MYH10: variants seen among roughly 807,000 people sequenced by gnomAD.
MYH10 encodes the protein myosin-10.
A neutral mutation model predicts 257.8 loss-of-function variants in MYH10; 55 were observed. The ratio of observed to expected loss-of-function variants is 0.21; its 90% confidence interval spans 0.17 to 0.27. The LOEUF (loss-of-function observed/expected upper bound fraction) is 0.27, where lower values mean the gene tolerates loss of function less well. Among genes scored for constraint, MYH10 ranks in the 10% least tolerant of loss-of-function variants. The pLI, the probability that MYH10 is intolerant of heterozygous loss-of-function variation, is 1.00. For missense variants in MYH10, 1,631 were observed against 2,500.6 expected, an observed-to-expected ratio of 0.65 and a Z score of 7.42; for synonymous variants, 854 against 921.7, an observed-to-expected ratio of 0.93 and a Z score of 1.33.
intron 2 of MYH10, among the ~76,000 whole-genome samples, chr17:8,605,586 A>C (rs2084765924): frequency 6.6e-6 from 1 of 152,134 alleles, no homozygotes; most frequent in Non-Finnish European, 1.5e-5. Context: ...TCTACTAAAA[A>C]TACAAAAATT....
intron 37 of MYH10, 96 bp downstream of exon 37, chr17:8,484,042 T>TA: frequency 8.4e-7 from 1 of 1,184,654 alleles, no homozygotes; most frequent in South Asian, 1.6e-5. Context: ...ATACTGACAT[T>TA]ACAGTGGGCT....
chr17:8,553,734 C>T (rs1341024842), intron 8 of MYH10, among the ~76,000 whole-genome samples: 1 of 152,208 alleles, frequency 6.6e-6, no homozygotes, highest in East Asian at 1.9e-4. Flanking sequence ...GCACTCTCCA[C>T]TTCCCCAGCC....
At chr17:8,572,797 G>GT (rs1203152580) in intron 6 of MYH10, among the ~76,000 whole-genome samples, 4 of 152,170 alleles carry the variant, frequency 2.6e-5, no homozygotes, top group African/African-American at 9.7e-5. Context: ...GTGAGACTGA[G>GT]TAACGATCTC....
chr17:8,623,171 T>C lies in MYH10; in HGVS notation c.76A>G (p.Thr26Ala), dbSNP rs1398401617. Reference protein sequence around the residue: ...VDRAVIYNPATQADWTAKKLV... With the variant: ...VDRAVIYNPAAQADWTAKKLV... Reference sequence around the variant, plus strand: ...TTTTTAGCTGTCCAATCAGCTTGAGTGGCAGGGTTGTAGATGACAGCCCTG... The same window carrying C: ...TTTTTAGCTGTCCAATCAGCTTGAGCGGCAGGGTTGTAGATGACAGCCCTG... The change falls in exon 2 of 43, where the codon ACT becomes GCT. Residue 26 changes from threonine (T) to alanine (A), a missense_variant. By Grantham distance (58) the Thr-to-Ala change is moderately conservative. Around this residue, in one of 11 missense-constraint regions of MYH10, gnomAD observed 360 missense variants for 581.9 expected, o/e 0.62. Transcript: ENST00000360416. 1 of 1,613,674 alleles carries C rather than the reference T, an allele frequency of 6.2e-7. No homozygotes were observed. Among genetic ancestry groups the C allele is most frequent in the Admixed American group, 1.7e-5 (1 of 59,936 alleles).
chr17:8,537,494 G>T (rs1231187705), intron 14 of MYH10, among the ~76,000 whole-genome samples: 1 of 152,168 alleles, frequency 6.6e-6, no homozygotes, highest in Non-Finnish European at 1.5e-5. Context: ...CCACCTGAAA[G>T]AATTGTCAGG....
Position 8,612,876 on chromosome 17 carries a change from T to C in MYH10, c.346-7894A>G, listed in dbSNP as rs183174145. Among the ~76,000 whole-genome samples the C allele has an allele frequency of 2.1e-4, 32 of 151,814 alleles. No individual in the cohort carries two copies. The East Asian group carries it at 6.2e-3, about 29-fold the overall frequency. ...TCTCAAAAAAAAAAAAAAATTATCATAGGTATGTATGTATAGGAAAAAACA... is the reference window on the plus strand; with the variant it reads ...TCTCAAAAAAAAAAAAAAATTATCACAGGTATGTATGTATAGGAAAAAACA... On this transcript the variant is annotated intron_variant, in intron 2 of 42. Transcript: ENST00000360416.
Position 8,622,990 on chromosome 17 carries a change from T to G in MYH10, c.257A>C (p.Lys86Thr). 1.9e-6 allele frequency: 3 copies of G among 1,614,214 alleles called. No individual in the cohort carries two copies. The highest frequency in any genetic ancestry group is 2.5e-6 in the Non-Finnish European group (3 of 1,180,038). ...IQKMNPPKFS[K>T]VEDMAELTCL... ...TGTCAATTCTGCCATATCCTCCACCTTGGAAAACTTAGGTGGGTTCATCTT... is the reference window on the plus strand; with the variant it reads ...TGTCAATTCTGCCATATCCTCCACCGTGGAAAACTTAGGTGGGTTCATCTT... Residue 86 changes from lysine (K) to threonine (T), a missense_variant, in exon 2 of 43, where the codon AAG becomes ACG. Coordinates refer to ENST00000360416, the MANE Select transcript of MYH10 (RefSeq NM_001256012.3).
At chr17:8,523,907 G>A (rs1305943675) in intron 17 of MYH10, among the ~76,000 whole-genome samples, 3 of 152,184 alleles carry the variant, frequency 2.0e-5, no homozygotes, top group Admixed American at 2.0e-4. Flanking sequence ...AAGGAGGGAA[G>A]TGGGTTTTGT....
chr17:8,624,941 A>C (rs2085615469), intron 1 of MYH10, among the ~76,000 whole-genome samples: 1 of 152,096 alleles, frequency 6.6e-6, no homozygotes, highest in Non-Finnish European at 1.5e-5. Context: ...TAGCCCTTTA[A>C]CTACTACTAA....
At chr17:8,598,513 G>A (rs1292212102) in intron 3 of MYH10, among the ~76,000 whole-genome samples, 1 of 151,748 alleles carries the variant, frequency 6.6e-6, no homozygotes, top group Non-Finnish European at 1.5e-5. Context: ...TTTTTATTAT[G>A]AAATGACACA....
chr17:8,603,773 G>C (rs1045706080), intron 3 of MYH10, among the ~76,000 whole-genome samples: 1 of 152,078 alleles, frequency 6.6e-6, no homozygotes, highest in Non-Finnish European at 1.5e-5. Flanking sequence ...CTAAGAAATT[G>C]TATTGAACTC....
chr17:8,477,345 G>A lies in MYH10; in HGVS notation c.5707-297C>T, dbSNP rs954992006. On this transcript the variant is annotated intron_variant, in intron 41 of 42. Transcript: ENST00000360416. The surrounding 1 kb of genome is among the most constrained non-coding windows in gnomAD (Gnocchi z 4.2). ...GACAGCGTTTACTGTCTTCACACAC[G>A]TGACCTAGGGGACTGAAAGGGAATT... 6.6e-6 allele frequency among the ~76,000 whole-genome samples: 1 copy of A among 152,160 alleles called. No individual in the cohort carries two copies. Among genetic ancestry groups the A allele is most frequent in the African/African-American group, 2.4e-5 (1 of 41,426 alleles).
At chr17:8,529,189 G>A (rs957328783) in intron 17 of MYH10, among the ~76,000 whole-genome samples, 1 of 151,972 alleles carries the variant, frequency 6.6e-6, no homozygotes, top group Non-Finnish European at 1.5e-5. Flanking sequence ...GGAAGGCGAA[G>A]CTGCTGGGGC....
At chr17:8,483,451 G>A (rs180844975) in intron 37 of MYH10, among the ~76,000 whole-genome samples, 2 of 152,248 alleles carry the variant, frequency 1.3e-5, no homozygotes, top group East Asian at 1.9e-4. Context: ...CTAGAGAGCC[G>A]TCCTCCTTTC....
intron 6 of MYH10, among the ~76,000 whole-genome samples, chr17:8,573,485 G>A (rs1053172391): frequency 1.3e-5 from 2 of 152,162 alleles, no homozygotes; most frequent in Non-Finnish European, 2.9e-5. Context: ...GAGACAAGTG[G>A]GCTGGCTTGA....
chr17:8,562,048 A>G (rs1285391152), intron 7 of MYH10, among the ~76,000 whole-genome samples: 2 of 152,254 alleles, frequency 1.3e-5, no homozygotes, highest in African/African-American at 4.8e-5. Flanking sequence ...ATTCTATTTT[A>G]AAAACACTTT....
In MYH10 at chr17:8,477,197, C is replaced by T. The variant is rs563393358; in HGVS notation, c.5707-149G>A. 1.4e-3 allele frequency: 1,139 copies of T among 816,162 alleles called. 4 individuals carry two copies. The highest frequency in any genetic ancestry group is 1.9e-3 in the Non-Finnish European group (1,029 of 538,484). 50.6% of individuals were successfully genotyped at this position (816,162 alleles called of 1,614,324 possible). A position where few individuals can be genotyped will look rare whatever the true frequency, so the allele number is the denominator to read the frequency against. On this transcript the variant is annotated intron_variant, in intron 41 of 42. Transcript: ENST00000360416. The surrounding 1 kb of genome is among the most constrained non-coding windows in gnomAD (Gnocchi z 4.2). ...TGTACACGCGTGCCTGGGGGCTGGT[C>T]GGAGGCTCTGTAACCGGCCTGCCGC... is the stretch of plus-strand genomic sequence containing the variant.
At chr17:8,539,075 G>T (rs2082223168) in intron 14 of MYH10, among the ~76,000 whole-genome samples, 1 of 152,104 alleles carries the variant, frequency 6.6e-6, no homozygotes, top group African/African-American at 2.4e-5. Context: ...AACATGTGAT[G>T]CCCTGTGCCA....
intron 1 of MYH10, among the ~76,000 whole-genome samples, chr17:8,627,470 C>T (rs1183674231): frequency 6.6e-6 from 1 of 152,072 alleles, no homozygotes; most frequent in Non-Finnish European, 1.5e-5. Flanking sequence ...TTTCCTTCTC[C>T]TAACATTTTG....
Sources: gnomAD v4.1 joint callset for allele counts (sites outside exome capture counted in the v4.1 genomes callset) on GRCh38, gnomAD v4.1.1 for gene constraint, gnomAD v4.1.1 regional missense constraint, Gnocchi (gnomAD v3.1) non-coding constraint, MANE v1.5 for transcripts, NCBI Gene and HGNC (gene_info 2026-07-23, HGNC 2026-07-21) for gene names.